The following NRXN1 variants were observed in gnomAD, a reference collection of about 807,000 sequenced individuals.
NRXN1 encodes the protein neurexin 1.
A neutral mutation model predicts 150.9 loss-of-function variants in NRXN1; 39 were observed. The observed-to-expected ratio is 0.26, with a 90% CI of 0.20 to 0.34. The LOEUF is 0.34. Ranked by LOEUF, NRXN1 falls within the 10% of genes least tolerant of loss-of-function variation. The pLI is 1.00. For missense variants in NRXN1, 1,815 were observed against 1,949.9 expected (o/e 0.93, Z 1.30); for synonymous variants, 924 against 757.0 (o/e 1.22, Z -3.62).
intron 17 of NRXN1, among the ~76,000 whole-genome samples, chr2:50,358,391 G>A (rs564743027): frequency 6.6e-6 from 1 of 152,322 alleles, no homozygotes; most frequent in South Asian, 2.1e-4. Context: ...CAAGCTTGGT[G>A]TGGGGAGGGA....
At chr2:50,114,767 C>G (rs975190537) in intron 18 of NRXN1, among the ~76,000 whole-genome samples, 1 of 151,918 alleles carries the variant, frequency 6.6e-6, no homozygotes, top group East Asian at 1.9e-4. Flanking sequence ...ATCTGAGAAG[C>G]CTACACACTG....
At chr2:50,932,806 C>A (rs1384246570) in intron 2 of NRXN1, among the ~76,000 whole-genome samples, 2 of 151,742 alleles carry the variant, frequency 1.3e-5, no homozygotes, top group Non-Finnish European at 2.9e-5. Flanking sequence ...TTCTTAACAG[C>A]AATAGAATAA....
intron 5 of NRXN1, among the ~76,000 whole-genome samples, chr2:50,724,409 C>T (rs1010113795): frequency 2.0e-4 from 30 of 152,022 alleles, no homozygotes; most frequent in Non-Finnish European, 4.1e-4. Flanking sequence ...TATTGATATA[C>T]TCAATATCAG....
intron 18 of NRXN1, among the ~76,000 whole-genome samples, chr2:50,192,602 C>CT (rs35789968): frequency 3.0e-4 from 44 of 144,288 alleles, no homozygotes; most frequent in African/African-American, 1.0e-3. Context: ...AGAATATATA[C>CT]TTTTTTTTGG....
intron 19 of NRXN1, among the ~76,000 whole-genome samples, chr2:50,084,405 C>T (rs963603415): frequency 5.3e-5 from 8 of 152,136 alleles, no homozygotes; most frequent in African/African-American, 7.2e-5. Context: ...GCCGGTGGGC[C>T]GGCACTGATG....
At chr2:50,345,906 G>A (rs2077920513) in intron 17 of NRXN1, among the ~76,000 whole-genome samples, 1 of 152,180 alleles carries the variant, frequency 6.6e-6, no homozygotes, top group Admixed American at 6.5e-5. Context: ...GCCTTCACAC[G>A]TGATCCTCCG....
chr2:50,164,559 A>C (rs1313987166), intron 18 of NRXN1, among the ~76,000 whole-genome samples: 1 of 152,222 alleles, frequency 6.6e-6, no homozygotes, highest in East Asian at 1.9e-4. Flanking sequence ...ACATTGTCAA[A>C]TGTGACTTTT....
In NRXN1 at chr2:50,496,700, T is replaced by C. The variant is rs369646002; in HGVS notation, c.2880-605A>G. The stretch of plus-strand genomic sequence containing the variant: ...TGTGTGTGGGTATGACTCACAGTGG[T>C]AGAAATCTGAGATGTGCATACGGGT... On this transcript the variant is annotated intron_variant, in intron 14 of 22. Transcript: ENST00000401669. Among the ~76,000 whole-genome samples, 74 of 152,302 alleles carry C rather than the reference T, an allele frequency of 4.9e-4. 1 individual carries two copies. In the South Asian group the frequency reaches 0.012, roughly 25 times the overall value.
At chr2:49,922,484 G>A (rs1668392278) in intron 22 of NRXN1, among the ~76,000 whole-genome samples, 1 of 152,062 alleles carries the variant, frequency 6.6e-6, no homozygotes, top group South Asian at 2.1e-4. Context: ...AATCAATTTT[G>A]TTCACAGAGT....
At chr2:50,362,882 C>A (rs1360374408) in intron 17 of NRXN1, among the ~76,000 whole-genome samples, 1 of 152,036 alleles carries the variant, frequency 6.6e-6, no homozygotes, top group Non-Finnish European at 1.5e-5. Context: ...GGTACTGGTA[C>A]CAAAACAGAT....
intron 2 of NRXN1, among the ~76,000 whole-genome samples, chr2:50,953,085 T>C (rs1691665113): frequency 6.6e-6 from 1 of 152,056 alleles, no homozygotes; most frequent in Non-Finnish European, 1.5e-5. Context: ...GAATGGGAGA[T>C]TTAAGAAGTA....
rs181333733 is a variant in NRXN1, at chr2:50,173,551, A to G, written c.3546+63238T>C. On this transcript the variant is annotated intron_variant, in intron 18 of 22. Transcript: ENST00000401669. ...ACCAGTTTAAAACTCTGAAACAATG[A>G]CACCATGAGTATATTTGTGATAATT... 8.3e-4 allele frequency among the ~76,000 whole-genome samples: 126 copies of G among 152,284 alleles called. 1 individual carries two copies. The Middle Eastern group carries it at 0.027, about 33-fold the overall frequency.
intron 5 of NRXN1, among the ~76,000 whole-genome samples, chr2:50,722,062 G>A (rs1184555040): frequency 6.6e-6 from 1 of 152,008 alleles, no homozygotes; most frequent in Non-Finnish European, 1.5e-5. Context: ...TTTAAAAATG[G>A]TGATCATAAT....
intron 17 of NRXN1, among the ~76,000 whole-genome samples, chr2:50,280,969 T>C (rs1478241742): frequency 6.6e-6 from 1 of 151,994 alleles, no homozygotes; most frequent in Non-Finnish European, 1.5e-5. Context: ...CCATGTTAAA[T>C]GGAGGCCAAG....
chr2:50,619,837 T>C (rs749277766), intron 8 of NRXN1, 185 bp downstream of exon 8: 2 of 460,856 alleles, frequency 4.3e-6, no homozygotes, highest in Admixed American at 4.1e-5. Flanking sequence ...AGGAACCTAA[T>C]TCCTTCATAA....
intron 19 of NRXN1, among the ~76,000 whole-genome samples, chr2:50,057,017 A>G (rs1693753896): frequency 6.6e-6 from 1 of 152,096 alleles, no homozygotes; most frequent in Non-Finnish European, 1.5e-5. Flanking sequence ...TTGCCCAATT[A>G]CTACTACAGT....
In NRXN1 at chr2:51,030,014, G is replaced by A. The variant is rs368369693; in HGVS notation, c.-921-820C>T. Among the ~76,000 whole-genome samples the A allele has an allele frequency of 3.5e-4, 53 of 152,078 alleles. No individual in the cohort carries two copies. In the South Asian group the frequency reaches 9.6e-3, roughly 27 times the overall value. On this transcript the variant is annotated intron_variant, in intron 1 of 22. Transcript: ENST00000401669. ...CTCCAGGATGCTAGAATTTAAAACCGTACCTTTGAATCACTCACTATACTA... is the reference window on the plus strand; with the variant it reads ...CTCCAGGATGCTAGAATTTAAAACCATACCTTTGAATCACTCACTATACTA...
In NRXN1 at chr2:50,506,603, T is replaced by C. The variant is rs755517079; in HGVS notation, c.2389A>G (p.Thr797Ala). 4 of 1,612,856 alleles carry C rather than the reference T, an allele frequency of 2.5e-6. No individual in the cohort carries two copies. Among genetic ancestry groups the C allele is most frequent in the Non-Finnish European group, 3.4e-6 (4 of 1,179,370 alleles). ...TTGAGGTTATAGCCAGCAAAAAGAG[T>C]CTCGGGACCTTTGCCTGTAGAATAT... ...INCNSSKGPE[T>A]LFAGYNLNDN... is the part of the protein sequence containing the mutation. The change falls in exon 13 of 23, where the codon ACT becomes GCT. Residue 797 changes from threonine (T) to alanine (A), a missense_variant. By Grantham distance (58) the Thr-to-Ala change is moderately conservative. Around this residue, in one of 6 missense-constraint regions of NRXN1, gnomAD observed 638 missense variants for 652.6 expected, o/e 0.98. Transcript: ENST00000401669.
chr2:50,610,736 C>T (rs1188864460), intron 8 of NRXN1, among the ~76,000 whole-genome samples: 1 of 123,888 alleles, frequency 8.1e-6, no homozygotes, highest in Non-Finnish European at 1.7e-5. Context: ...ATTACTAGAA[C>T]ATAGCTTGTA....
Sources: gnomAD v4.1 joint callset for allele counts (sites outside exome capture counted in the v4.1 genomes callset) on GRCh38, gnomAD v4.1.1 for gene constraint, gnomAD v4.1.1 regional missense constraint, MANE v1.5 for transcripts, NCBI Gene and HGNC (gene_info 2026-07-23, HGNC 2026-07-21) for gene names.